MAP3K9: variants seen among roughly 807,000 people sequenced by gnomAD.
MAP3K9 encodes the protein mixed lineage kinase 1 (tyr and ser/thr specificity).
MAP3K9 carries 46 observed loss-of-function variants against 95.8 expected under a neutral mutation model. The ratio of observed to expected loss-of-function variants is 0.48; its 90% confidence interval spans 0.38 to 0.61. MAP3K9 has a LOEUF of 0.61. Among genes scored for constraint, MAP3K9 ranks in the 20% least tolerant of loss-of-function variants. The pLI, the probability that MAP3K9 is intolerant of heterozygous loss-of-function variation, is 0.00. For missense variants in MAP3K9, 1,296 were observed against 1,474.3 expected (o/e 0.88, Z 1.98); for synonymous variants, 533 against 593.8 (o/e 0.90, Z 1.49).
At chr14:70,760,761 G>C (rs1223392003) in intron 3 of MAP3K9, among the ~76,000 whole-genome samples, 1 of 152,122 alleles carries the variant, frequency 6.6e-6, no homozygotes, top group African/African-American at 2.4e-5. Flanking sequence ...CCTTTCCTAG[G>C]GAGCAATCAC....
rs541294415 is a variant in MAP3K9 at position 70,742,854 on chromosome 14, A to G, written c.1327-263T>C. 1.5e-4 allele frequency among the ~76,000 whole-genome samples: 23 copies of G among 151,586 alleles called. No individual in the cohort carries two copies. The East Asian group carries it at 4.3e-3, about 28-fold the overall frequency. ...AGGTCAAGCCCTAGAAATGGGGGCT[A>G]AGAGTTTCTAGTCGCTCCTTCCTTC... On this transcript the variant is annotated intron_variant, in intron 5 of 11. Transcript: ENST00000554752.
At chr14:70,801,856 A>G (rs1258861134) in intron 1 of MAP3K9, among the ~76,000 whole-genome samples, 1 of 152,176 alleles carries the variant, frequency 6.6e-6, no homozygotes, top group Non-Finnish European at 1.5e-5. Flanking sequence ...ACGGAAGGAC[A>G]GGAGCCAAGA....
At chr14:70,764,391 C>T (rs1000089562) in intron 2 of MAP3K9, among the ~76,000 whole-genome samples, 3 of 151,498 alleles carry the variant, frequency 2.0e-5, no homozygotes, top group Admixed American at 6.6e-5. Context: ...GTGTTTGTGT[C>T]TTAGTTTTTA....
At chr14:70,799,586 G>A (rs1422201598) in intron 2 of MAP3K9, among the ~76,000 whole-genome samples, 9 of 151,576 alleles carry the variant, frequency 5.9e-5, no homozygotes, top group Non-Finnish European at 1.0e-4. Flanking sequence ...TGATCTGCCC[G>A]CCTTGGCCTC....
At position 70,749,010 on chromosome 14, in the gene MAP3K9, T is replaced by A; in HGVS notation, c.1151-6A>T. On this transcript the variant is annotated splice_polypyrimidine_tract_variant and splice_region_variant and intron_variant, in intron 4 of 11. Transcript: ENST00000554752. ...GGGATCAGGATTCCAGCAGTCTGAA[T>A]AGAACATGTGAATACTCAGAAAGCA... 6.2e-7 allele frequency: 1 copy of A among 1,612,060 alleles called. No individual in the cohort carries two copies. The highest frequency in any genetic ancestry group is 8.5e-7 in the Non-Finnish European group (1 of 1,178,850).
chr14:70,766,986 T>A (rs1208618689), intron 2 of MAP3K9, among the ~76,000 whole-genome samples: 1 of 152,198 alleles, frequency 6.6e-6, no homozygotes, highest in Admixed American at 6.5e-5. Context: ...TCCGCTAGCA[T>A]GTGATACAGT....
chr14:70,791,206 T>C (rs1325178882), intron 2 of MAP3K9, among the ~76,000 whole-genome samples: 1 of 152,140 alleles, frequency 6.6e-6, no homozygotes, highest in Non-Finnish European at 1.5e-5. Flanking sequence ...CCACACGCCT[T>C]TCAAAGCCTT....
chr14:70,730,707 A>C lies in MAP3K9; in HGVS notation c.2988T>G (p.Arg996=). 6.2e-7 allele frequency: 1 copy of C among 1,613,734 alleles called. No homozygotes were observed. The highest frequency in any genetic ancestry group is 1.7e-5 in the Admixed American group (1 of 59,994). ...PKTLEFLPRP[R]PSANRQRLDP... ...CCAGCCGTTGCCGGTTGGCAGAAGG[A>C]CGCGGCCGAGGCAGAAACTCCAGAG... Residue 996 remains arginine (R), a synonymous_variant, in exon 12 of 12, where the codon CGT becomes CGG. Coordinates refer to ENST00000554752, the MANE Select transcript of MAP3K9 (RefSeq NM_001284230.2).
chr14:70,772,791 A>G (rs1273184858), intron 2 of MAP3K9, among the ~76,000 whole-genome samples: 1 of 152,174 alleles, frequency 6.6e-6, no homozygotes, highest in Non-Finnish European at 1.5e-5. Context: ...AGTGATTTAC[A>G]CCTATAATCT....
chr14:70,763,275 C>T (rs1430663006), intron 2 of MAP3K9, among the ~76,000 whole-genome samples: 1 of 152,184 alleles, frequency 6.6e-6, no homozygotes, highest in Non-Finnish European at 1.5e-5. Context: ...CGCATAATGA[C>T]GTTTCAGTCA....
intron 1 of MAP3K9, among the ~76,000 whole-genome samples, chr14:70,801,319 T>A (rs1047614960): frequency 3.3e-5 from 5 of 152,124 alleles, no homozygotes; most frequent in African/African-American, 1.2e-4. Context: ...TGAAAAAAAA[T>A]CCCACCTGGA....
intron 3 of MAP3K9, among the ~76,000 whole-genome samples, chr14:70,759,127 A>G (rs2054335953): frequency 6.6e-6 from 1 of 152,108 alleles, no homozygotes; most frequent in South Asian, 2.1e-4. Context: ...ATAGACATGG[A>G]GCTTCTTTTT....
At chr14:70,760,609 A>G (rs1010244917) in intron 3 of MAP3K9, among the ~76,000 whole-genome samples, 5 of 152,288 alleles carry the variant, frequency 3.3e-5, no homozygotes, top group East Asian at 1.9e-4. Context: ...CCCCTCCCCA[A>G]GTTCAGCAGT....
intron 2 of MAP3K9, among the ~76,000 whole-genome samples, chr14:70,790,756 G>A (rs775542386): frequency 6.6e-6 from 1 of 152,238 alleles, no homozygotes; most frequent in South Asian, 2.1e-4. Context: ...GGTATTGAAG[G>A]GGACTCCACA....
intron 2 of MAP3K9, 66 bp downstream of exon 2, chr14:70,800,601 T>G (rs1594814517): frequency 8.6e-6 from 13 of 1,520,000 alleles, no homozygotes; most frequent in Non-Finnish European, 1.2e-5. Flanking sequence ...AGTCCACTCC[T>G]ACTGACGTCG....
At chr14:70,773,560 T>C (rs567387997) in intron 2 of MAP3K9, among the ~76,000 whole-genome samples, 10 of 152,210 alleles carry the variant, frequency 6.6e-5, no homozygotes, top group Admixed American at 3.3e-4. Flanking sequence ...TTTTCCAGCC[T>C]CCTTGTTCTG....
chr14:70,752,127 C>T (rs1202199008), intron 3 of MAP3K9, among the ~76,000 whole-genome samples: 2 of 152,134 alleles, frequency 1.3e-5, no homozygotes, highest in African/African-American at 4.8e-5. Flanking sequence ...AGCCTGGTAG[C>T]CAGTTGGTCT....
At chr14:70,780,744 C>T (rs1444722556) in intron 2 of MAP3K9, among the ~76,000 whole-genome samples, 1 of 152,204 alleles carries the variant, frequency 6.6e-6, no homozygotes, top group African/African-American at 2.4e-5. Flanking sequence ...AAACACCTGC[C>T]TCCCCTGAAT....
rs142179247 is a variant in MAP3K9, at chr14:70,754,760, C to T, written c.1002-4679G>A. The stretch of plus-strand genomic sequence containing the variant: ...TGCTGAGATTACAGGTGTAAGCCAC[C>T]GTGCCCAGCCACTATTGTAATTTTT... On this transcript the variant is annotated intron_variant, in intron 3 of 11. Coordinates refer to ENST00000554752, the MANE Select transcript of MAP3K9 (RefSeq NM_001284230.2). Among the ~76,000 whole-genome samples the T allele has an allele frequency of 5.5e-3, 838 of 152,204 alleles. 8 individuals are homozygous for T. Among genetic ancestry groups the T allele is most frequent in the African/African-American group, 0.018 (765 of 41,534 alleles).
Sources: allele counts gnomAD v4.1 joint callset (sites outside exome capture counted in the v4.1 genomes callset), GRCh38; gene constraint gnomAD v4.1.1; transcripts MANE v1.5; gene names NCBI Gene and HGNC (gene_info 2026-07-23, HGNC 2026-07-21).